The following SDK2 variants were observed in gnomAD, a reference collection of about 807,000 sequenced individuals.
The protein encoded by SDK2 is protein sidekick-2.
SDK2 carries 105 observed loss-of-function variants against 253.9 expected under a neutral mutation model. The ratio of observed to expected loss-of-function variants is 0.41; its 90% CI spans 0.35 to 0.49. SDK2 has a LOEUF of 0.49. Ranked by LOEUF, SDK2 falls within the 20% of genes least tolerant of loss-of-function variation. The pLI, the probability that SDK2 is intolerant of heterozygous loss-of-function variation, is 0.06. For missense variants in SDK2, 2,608 were observed against 3,003.0 expected, an observed-to-expected ratio of 0.87 and a Z score of 3.07; for synonymous variants, 1,249 against 1,234.9, an observed-to-expected ratio of 1.01 and a Z score of -0.24.
intron 1 of SDK2, among the ~76,000 whole-genome samples, chr17:73,597,487 C>T (rs1287154372): frequency 2.6e-5 from 4 of 152,122 alleles, no homozygotes; most frequent in Non-Finnish European, 5.9e-5. Flanking sequence ...TTCCTGGGCT[C>T]GTGGGAGACA....
At chr17:73,471,091 C>T (rs548097633) in intron 3 of SDK2, among the ~76,000 whole-genome samples, 6 of 152,232 alleles carry the variant, frequency 3.9e-5, no homozygotes, top group South Asian at 2.1e-4. Context: ...ATTGGCGGCA[C>T]GGGGGAGAAG....
At chr17:73,593,699 G>A (rs866571623) in intron 1 of SDK2, among the ~76,000 whole-genome samples, 4 of 152,206 alleles carry the variant, frequency 2.6e-5, no homozygotes, top group African/African-American at 7.2e-5. Flanking sequence ...ATCGGATCAC[G>A]GAAGGTGTTA....
chr17:73,372,391 C>T (rs2062741563), intron 36 of SDK2, among the ~76,000 whole-genome samples: 1 of 152,138 alleles, frequency 6.6e-6, no homozygotes, highest in African/African-American at 2.4e-5. Flanking sequence ...CCTTGGGACC[C>T]AAACACCTAG....
At chr17:73,493,888 A>C (rs1377682702) in intron 2 of SDK2, among the ~76,000 whole-genome samples, 1 of 151,884 alleles carries the variant, frequency 6.6e-6, no homozygotes, top group Non-Finnish European at 1.5e-5. Context: ...GTTTCATAGA[A>C]ATGTCCTCCC....
rs529406750 is a variant in SDK2, at chr17:73,335,030, C to A, written c.*3557G>T. Reference sequence around the variant, plus strand: ...GCAGCGTGCACCAGGTGGGGGCAGCCCCCGCTGTGTCCTTGTTTCCTCTAA... The same window carrying A: ...GCAGCGTGCACCAGGTGGGGGCAGCACCCGCTGTGTCCTTGTTTCCTCTAA... On this transcript the variant is annotated 3_prime_UTR_variant, in exon 45 of 45. Coordinates refer to ENST00000392650, the MANE Select transcript of SDK2 (RefSeq NM_001144952.2). 1.3e-5 allele frequency: 2 copies of A among 152,596 alleles called. No individual in the cohort carries two copies. The highest frequency in any genetic ancestry group is 2.9e-5 in the Non-Finnish European group (2 of 68,262). 9.5% of individuals were successfully genotyped at this position (152,596 alleles called of 1,614,324 possible).
At chr17:73,585,237 C>T (rs952854477) in intron 1 of SDK2, among the ~76,000 whole-genome samples, 10 of 152,220 alleles carry the variant, frequency 6.6e-5, no homozygotes, top group African/African-American at 2.4e-4. Flanking sequence ...CCAGAACTGT[C>T]TCAGAATGCA....
Position 73,644,024 on chromosome 17 carries a change from C to A in SDK2, c.64+1G>T. The stretch of plus-strand genomic sequence containing the variant: ...GTCCCCACGTGGGGGTCCCTCCTTA[C>A]CTTGGGCTCTGGCCGCGCGGATCTG... On this transcript the variant is annotated splice_donor_variant, in intron 1 of 44. Coordinates refer to ENST00000392650, the MANE Select transcript of SDK2 (RefSeq NM_001144952.2). LOFTEE classifies it high-confidence loss of function. The surrounding 1 kb of genome is among the most constrained non-coding windows in gnomAD (Gnocchi z 6.3). The A allele has an allele frequency of 2.2e-6, 3 of 1,386,052 alleles. No homozygotes were observed. The highest frequency in any genetic ancestry group is 2.9e-6 in the Non-Finnish European group (3 of 1,042,286). The allele number at this position is 1,386,052 out of a possible 1,614,324, so 85.9% of individuals were successfully genotyped here.
chr17:73,415,536 A>G (rs373972979), intron 17 of SDK2, among the ~76,000 whole-genome samples: 8 of 151,898 alleles, frequency 5.3e-5, no homozygotes, highest in Admixed American at 5.2e-4. Context: ...TTGTAGAGAC[A>G]GGGTCTCACT....
intron 1 of SDK2, among the ~76,000 whole-genome samples, chr17:73,603,083 ACACT>A (rs2045861778): frequency 1.3e-5 from 2 of 152,184 alleles, no homozygotes; most frequent in Admixed American, 1.3e-4. Context: ...ATGACCTGAG[ACACT>A]CACCACCCTC....
At chr17:73,421,283 C>A (rs1294063128) in intron 15 of SDK2, among the ~76,000 whole-genome samples, 1 of 30,512 alleles carries the variant, frequency 3.3e-5, no homozygotes, top group Non-Finnish European at 2.3e-4. Flanking sequence ...GATTGTTTGA[C>A]CCCAGTGGTG....
Position 73,379,471 on chromosome 17 carries a change from T to G in SDK2, c.4841A>C (p.Gln1614Pro). The change falls in exon 35 of 45, where the codon CAG becomes CCG. Residue 1614 changes from glutamine to proline, a missense_variant. By Grantham distance (76) the Gln-to-Pro change is moderately conservative. Coordinates refer to ENST00000392650, the MANE Select transcript of SDK2 (RefSeq NM_001144952.2). The surrounding 1 kb of genome is among the most constrained non-coding windows in gnomAD (Gnocchi z 4.5). Reference protein sequence around the residue: ...AVGEGPSSPPQEVFVGEAVPT... With the variant: ...AVGEGPSSPPPEVFVGEAVPT... ...ACCTGCCTCCCCAACAAAGACCTCC[T>G]GCGGGGGGCTGGAGGGCCCCTCACC... is the stretch of plus-strand genomic sequence containing the variant. The G allele has an allele frequency of 6.2e-7, 1 of 1,608,408 alleles. No homozygotes were observed. Among genetic ancestry groups the G allele is most frequent in the Non-Finnish European group, 8.5e-7 (1 of 1,177,480 alleles).
chr17:73,543,318 G>A (rs2044900765), intron 1 of SDK2, among the ~76,000 whole-genome samples: 2 of 152,106 alleles, frequency 1.3e-5, no homozygotes, highest in Non-Finnish European at 2.9e-5. Flanking sequence ...GGTGTGGTGT[G>A]TGTGGGGCTG....
rs546359299 is a variant in SDK2, at chr17:73,552,695, G to A, written c.65-45098C>T. On this transcript the variant is annotated intron_variant, in intron 1 of 44. Transcript: ENST00000392650. ...ATACGGGGGAACAGGATTTGAGCCC[G>A]GCCAGGCTGACTGCAGAGCTTGAGG... is the stretch of plus-strand genomic sequence containing the variant. Among the ~76,000 whole-genome samples the A allele has an allele frequency of 2.6e-5, 4 of 152,316 alleles. No individual in the cohort carries two copies. The East Asian group carries it at 7.7e-4, about 29-fold the overall frequency.
intron 3 of SDK2, among the ~76,000 whole-genome samples, chr17:73,458,422 C>T (rs1308698759): frequency 1.3e-5 from 2 of 152,214 alleles, no homozygotes; most frequent in African/African-American, 4.8e-5. Context: ...GTACCTGATT[C>T]ACTCTCTTGG....
At chr17:73,393,103 G>C (rs1041171570) in intron 27 of SDK2, among the ~76,000 whole-genome samples, 1 of 151,852 alleles carries the variant, frequency 6.6e-6, no homozygotes, top group African/African-American at 2.4e-5. Context: ...CAATCAGCTG[G>C]GTGTGGTGGC....
chr17:73,585,080 C>T (rs2045586806), intron 1 of SDK2, among the ~76,000 whole-genome samples: 1 of 152,204 alleles, frequency 6.6e-6, no homozygotes, highest in African/African-American at 2.4e-5. Context: ...CCAGCACACA[C>T]AACAGTGCCC....
chr17:73,535,771 A>G (rs932469233), intron 1 of SDK2, among the ~76,000 whole-genome samples: 1 of 152,072 alleles, frequency 6.6e-6, no homozygotes, highest in African/African-American at 2.4e-5. Flanking sequence ...CTCTCTATCC[A>G]TGGATGTGGC....
rs569257042 is a variant in SDK2 at position 73,405,512 on chromosome 17, ATATAT to A, written c.2485-3376_2485-3372del. 7.6e-4 allele frequency among the ~76,000 whole-genome samples: 47 copies of A among 61,528 alleles called. 9 individuals are homozygous for A. The highest frequency in any genetic ancestry group is 1.4e-3 in the Admixed American group (8 of 5,576). 40.4% of individuals were successfully genotyped at this position (61,528 alleles called of 152,430 possible). A position where few individuals can be genotyped will look rare whatever the true frequency, so the allele number is the denominator to read the frequency against. ...TATATATATATATATATATATATATATATATAAAGATCGAGAATGTGGAAAGTACA... is the reference window on the plus strand; with the variant it reads ...TATATATATATATATATATATATATAAAAGATCGAGAATGTGGAAAGTACA... On this transcript the variant is annotated intron_variant, in intron 18 of 44. Coordinates refer to ENST00000392650, the MANE Select transcript of SDK2 (RefSeq NM_001144952.2).
chr17:73,462,100 TG>T (rs1567786639), intron 3 of SDK2, among the ~76,000 whole-genome samples: 1 of 152,098 alleles, frequency 6.6e-6, no homozygotes, highest in Admixed American at 6.5e-5. Flanking sequence ...GTGGGATGGA[TG>T]GTTGTTTATG....
Sources: gnomAD v4.1 joint callset for allele counts (sites outside exome capture counted in the v4.1 genomes callset) on GRCh38, gnomAD v4.1.1 for gene constraint, Gnocchi (gnomAD v3.1) non-coding constraint, MANE v1.5 for transcripts, NCBI Gene and HGNC (gene_info 2026-07-23, HGNC 2026-07-21) for gene names.